The following SEMA6A variants were observed in gnomAD, a reference collection of about 807,000 sequenced individuals.
SEMA6A encodes semaphorin-6A.
SEMA6A carries 25 observed loss-of-function variants against 96.8 expected under a neutral mutation model. The observed-to-expected ratio is 0.26, with a 90% CI of 0.19 to 0.36. SEMA6A has a LOEUF of 0.36. Among genes scored for constraint, SEMA6A ranks in the 10% least tolerant of loss-of-function variants. The pLI, the probability that SEMA6A is intolerant of heterozygous loss-of-function variation, is 1.00. For missense variants in SEMA6A, 1,363 were observed against 1,323.1 expected (o/e 1.03, Z -0.47); for synonymous variants, 612 against 518.0 (o/e 1.18, Z -2.46).
intron 1 of SEMA6A, among the ~76,000 whole-genome samples, chr5:116,511,860 G>C (rs1758420541): frequency 6.6e-6 from 1 of 152,222 alleles, no homozygotes; most frequent in African/African-American, 2.4e-5. Flanking sequence ...ACATCATAGA[G>C]AACAGTGTCA....
At chr5:116,556,643 C>G (rs918006333) in intron 1 of SEMA6A, among the ~76,000 whole-genome samples, 1 of 152,168 alleles carries the variant, frequency 6.6e-6, no homozygotes, top group East Asian at 1.9e-4. Context: ...AGAGCCCATA[C>G]TTTTAACTAC....
chr5:116,480,087 G>A (rs764650558), intron 12 of SEMA6A, 35 bp downstream of exon 12: 1 of 1,607,788 alleles, frequency 6.2e-7, no homozygotes, highest in South Asian at 1.1e-5. Context: ...ATGAAGTTAG[G>A]AAATCCATCA....
At chr5:116,448,755 C>CAAAAAAAAAAA (rs3984966) in intron 18 of SEMA6A, among the ~76,000 whole-genome samples, 6 of 106,514 alleles carry the variant, frequency 5.6e-5, no homozygotes, top group African/African-American at 2.2e-4. Context: ...CATCACCTCT[C>CAAAAAAAAAAA]AAAAAAAAAA....
chr5:116,481,127 G>A (rs2278264), intron 11 of SEMA6A, among the ~76,000 whole-genome samples: 47,623 of 152,102 alleles, frequency 0.31, 7,785 homozygotes, highest in East Asian at 0.5. Context: ...CCTGACTGCT[G>A]CAAGAGGGAC....
At chr5:116,574,083 G>A (rs1046933140) in intron 1 of SEMA6A, 102 bp downstream of exon 1, 2 of 152,148 alleles carry the variant, frequency 1.3e-5, no homozygotes, top group African/African-American at 2.4e-5. Context: ...TAAAACGCAG[G>A]CACCACAAAG....
At chr5:116,567,706 A>G (rs911258154) in intron 1 of SEMA6A, among the ~76,000 whole-genome samples, 1 of 152,218 alleles carries the variant, frequency 6.6e-6, no homozygotes, top group Non-Finnish European at 1.5e-5. Context: ...CAATGCCTCT[A>G]GAGTTGTCCA....
intron 1 of SEMA6A, among the ~76,000 whole-genome samples, chr5:116,537,692 G>A (rs566328004): frequency 6.6e-6 from 1 of 152,186 alleles, no homozygotes; most frequent in South Asian, 2.1e-4. Context: ...TTGCCATTAG[G>A]AGTAGCCATA....
chr5:116,482,248 G>A (rs1756817518), intron 11 of SEMA6A, among the ~76,000 whole-genome samples, 196 bp downstream of exon 11: 1 of 152,100 alleles, frequency 6.6e-6, no homozygotes, highest in Non-Finnish European at 1.5e-5. Context: ...CATATATGGA[G>A]GTTAAGCAGA....
chr5:116,467,843 T>A, intron 17 of SEMA6A, 96 bp from the exon 18 acceptor site: 1 of 1,331,414 alleles, frequency 7.5e-7, no homozygotes, highest in Non-Finnish European at 1.0e-6. Context: ...AAGCTGGCTG[T>A]AAGACTGAGA....
chr5:116,547,733 T>TC (rs1760240236), intron 1 of SEMA6A, among the ~76,000 whole-genome samples: 2 of 79,618 alleles, frequency 2.5e-5, no homozygotes, highest in Admixed American at 1.5e-4. Context: ...TATCTGATAC[T>TC]TAAAAAAAAA....
At chr5:116,533,582 G>A (rs1759582315) in intron 1 of SEMA6A, among the ~76,000 whole-genome samples, 1 of 152,152 alleles carries the variant, frequency 6.6e-6, no homozygotes, top group South Asian at 2.1e-4. Context: ...CACTGTCAGA[G>A]AAAAATTGTA....
chr5:116,569,121 A>G (rs1372290364), intron 1 of SEMA6A, among the ~76,000 whole-genome samples: 3 of 152,334 alleles, frequency 2.0e-5, no homozygotes, highest in African/African-American at 7.2e-5. Context: ...CAAGGACAAC[A>G]TATAGTTTGT....
chr5:116,479,890 C>A (rs549969978), intron 12 of SEMA6A, among the ~76,000 whole-genome samples: 51 of 152,314 alleles, frequency 3.3e-4, no homozygotes, highest in African/African-American at 1.2e-3. Context: ...TTTCCTTCCT[C>A]TAATTGCTGG....
intron 18 of SEMA6A, among the ~76,000 whole-genome samples, chr5:116,456,172 A>G (rs1216530061): frequency 6.6e-6 from 1 of 152,224 alleles, no homozygotes; most frequent in East Asian, 1.9e-4. Context: ...ACAGCCCATC[A>G]GCAACGTGGA....
chr5:116,502,220 T>TGTA lies in SEMA6A; in HGVS notation c.205_207dup (p.Tyr69dup). 1 of 1,613,730 alleles carries TGTA rather than the reference T, an allele frequency of 6.2e-7. No individual in the cohort carries two copies. Among genetic ancestry groups the TGTA allele is most frequent in the Non-Finnish European group, 8.5e-7 (1 of 1,179,690 alleles). The stretch of plus-strand genomic sequence containing the variant: ...GAAAAGGCCCCTTACCTAGCAGCAA[T>TGTA]GTAGAGGGTTCCGTTCATGATCATA... On this transcript the variant is annotated inframe_insertion, in exon 3 of 19. Transcript: ENST00000343348.
chr5:116,490,929 T>C (rs552099990), intron 7 of SEMA6A, among the ~76,000 whole-genome samples: 178 of 152,174 alleles, frequency 1.2e-3, no homozygotes, highest in Non-Finnish European at 2.3e-3. Flanking sequence ...GCACACAAAC[T>C]CATACACAAA....
chr5:116,485,393 G>GAT (rs1428269348), intron 10 of SEMA6A, among the ~76,000 whole-genome samples: 1 of 152,192 alleles, frequency 6.6e-6, no homozygotes, highest in Non-Finnish European at 1.5e-5. Context: ...ATCCTAGAGA[G>GAT]ATAGGCTCTG....
At chr5:116,522,602 A>T (rs1042598899) in intron 1 of SEMA6A, among the ~76,000 whole-genome samples, 2 of 152,244 alleles carry the variant, frequency 1.3e-5, no homozygotes, top group African/African-American at 2.4e-5. Context: ...AAAATGTAGC[A>T]AACTCAGAAA....
chr5:116,449,628 G>T, intron 18 of SEMA6A: 1 of 365,834 alleles, frequency 2.7e-6, no homozygotes, highest in East Asian at 4.9e-5. Flanking sequence ...CCTTCCTAAG[G>T]GTCCTCCTCC....
Sources: gnomAD v4.1 joint callset for allele counts (sites outside exome capture counted in the v4.1 genomes callset) on GRCh38, gnomAD v4.1.1 for gene constraint, MANE v1.5 for transcripts, NCBI Gene and HGNC (gene_info 2026-07-23, HGNC 2026-07-21) for gene names.